The following SPHKAP variants were observed in gnomAD, a reference collection of about 807,000 sequenced individuals.
The protein encoded by SPHKAP is SPHK1 interactor, AKAP domain containing.
A neutral mutation model predicts 137.5 loss-of-function variants in SPHKAP; 67 were observed. The observed-to-expected ratio is 0.49, with a 90% confidence interval of 0.40 to 0.60. SPHKAP has a LOEUF of 0.60. Ranked by LOEUF, SPHKAP falls within the 20% of genes least tolerant of loss-of-function variation. The probability of loss-of-function intolerance (pLI) is 0.00; values close to 1 mark genes in which losing one functional copy is unlikely to be tolerated. For synonymous variants in SPHKAP, 813 were observed against 785.3 expected (o/e 1.04, Z -0.59); for missense variants, 2,097 against 2,069.3 (o/e 1.01, Z -0.26).
intron 3 of SPHKAP, among the ~76,000 whole-genome samples, chr2:228,082,591 TA>T (rs1697398169): frequency 6.6e-6 from 1 of 152,132 alleles, no homozygotes; most frequent in South Asian, 2.1e-4. Flanking sequence ...TGTCTTTGTA[TA>T]AAAAGGAACA....
At chr2:228,082,274 C>G (rs760703821) in intron 3 of SPHKAP, among the ~76,000 whole-genome samples, 9 of 152,136 alleles carry the variant, frequency 5.9e-5, no homozygotes, top group Non-Finnish European at 1.5e-5. Flanking sequence ...ACTGGAAGAC[C>G]TGAGTTCAGG....
intron 3 of SPHKAP, among the ~76,000 whole-genome samples, chr2:228,033,773 A>G (rs1695455670): frequency 6.6e-6 from 1 of 152,238 alleles, no homozygotes; most frequent in South Asian, 2.1e-4. Flanking sequence ...CTGCTCCTGA[A>G]TGACTACTGG....
intron 2 of SPHKAP, among the ~76,000 whole-genome samples, chr2:228,130,854 A>G (rs1699227869): frequency 6.6e-6 from 1 of 152,160 alleles, no homozygotes; most frequent in Non-Finnish European, 1.5e-5. Flanking sequence ...AATTTATAAG[A>G]GGAGAAAGAA....
intron 1 of SPHKAP, among the ~76,000 whole-genome samples, chr2:228,162,229 G>T (rs1161108778): frequency 6.6e-6 from 1 of 152,158 alleles, no homozygotes; most frequent in Non-Finnish European, 1.5e-5. Context: ...GGAGAAACAG[G>T]TTGATCTCCA....
At chr2:228,001,841 T>C (rs1693919034) in intron 7 of SPHKAP, among the ~76,000 whole-genome samples, 1 of 152,096 alleles carries the variant, frequency 6.6e-6, no homozygotes, top group East Asian at 1.9e-4. Context: ...TTCCTTGCAA[T>C]AGTTTGCTGA....
intron 3 of SPHKAP, among the ~76,000 whole-genome samples, chr2:228,104,063 T>A: frequency 6.6e-6 from 1 of 151,918 alleles, no homozygotes; most frequent in East Asian, 1.9e-4. Flanking sequence ...AATTTTTCAG[T>A]AAGTCTAAAA....
chr2:228,097,199 A>G (rs1160688500), intron 3 of SPHKAP, among the ~76,000 whole-genome samples: 2 of 152,164 alleles, frequency 1.3e-5, no homozygotes, highest in Non-Finnish European at 2.9e-5. Context: ...AATTGCTATA[A>G]TCACAGGAAT....
rs75894347 is a variant in SPHKAP at position 227,987,527 on chromosome 2, C to T, written c.4959+3473G>A. On this transcript the variant is annotated intron_variant, in intron 11 of 11. Coordinates refer to ENST00000392056, the MANE Select transcript of SPHKAP (RefSeq NM_001142644.2). ...AGACCTGATGAATGTTCTGAATGTACGATTTTCAGGTGCATTTAGCTTTTT... is the reference window on the plus strand; with the variant it reads ...AGACCTGATGAATGTTCTGAATGTATGATTTTCAGGTGCATTTAGCTTTTT... Among the ~76,000 whole-genome samples the T allele has an allele frequency of 4.0e-3, 610 of 152,160 alleles. 4 individuals are homozygous for T. Among genetic ancestry groups the T allele is most frequent in the African/African-American group, 0.014 (564 of 41,506 alleles).
intron 3 of SPHKAP, among the ~76,000 whole-genome samples, chr2:228,040,184 C>T (rs1360606306): frequency 2.0e-5 from 3 of 152,032 alleles, no homozygotes; most frequent in East Asian, 3.9e-4. Context: ...TAGAAGAAAA[C>T]CAATTCCTTC....
In SPHKAP at chr2:228,104,240, T is replaced by C. The variant is rs557268453; in HGVS notation, c.246+4592A>G. The stretch of plus-strand genomic sequence containing the variant: ...GATTAAATATTATATGTTATATCAT[T>C]ATATTATATATTATATATATCATTA... On this transcript the variant is annotated intron_variant, in intron 3 of 11. Coordinates refer to ENST00000392056, the MANE Select transcript of SPHKAP (RefSeq NM_001142644.2). 2.8e-3 allele frequency among the ~76,000 whole-genome samples: 382 copies of C among 134,422 alleles called. 2 individuals carry two copies. Among genetic ancestry groups the C allele is most frequent in the African/African-American group, 8.9e-3 (326 of 36,788 alleles). 88.2% of individuals were successfully genotyped at this position (134,422 alleles called of 152,430 possible). A position where few individuals can be genotyped will look rare whatever the true frequency, so the allele number is the denominator to read the frequency against.
rs1408871176 is a variant in SPHKAP at position 228,017,971 on chromosome 2, T to C, written c.2883A>G (p.Ala961=). The change falls in exon 7 of 12, where the codon GCA becomes GCG. Residue 961 remains alanine, a synonymous_variant. Coordinates refer to ENST00000392056, the MANE Select transcript of SPHKAP (RefSeq NM_001142644.2). Reference sequence around the variant, plus strand: ...TCAGAAACTCACTCCCTCTTTTCCATGCACAAAACCAGGGTTGTTTTCCAC... The same window carrying C: ...TCAGAAACTCACTCCCTCTTTTCCACGCACAAAACCAGGGTTGTTTTCCAC... The part of the protein sequence containing the change: ...NSSGKQPWFC[A]WKRGSEFLMT... The C allele has an allele frequency of 6.2e-7, 1 of 1,614,052 alleles. No individual in the cohort carries two copies. The highest frequency in any genetic ancestry group is 2.2e-5 in the East Asian group (1 of 44,868).
chr2:227,999,802 C>T (rs542048088), intron 7 of SPHKAP, among the ~76,000 whole-genome samples: 2 of 152,274 alleles, frequency 1.3e-5, no homozygotes, highest in African/African-American at 4.8e-5. Context: ...GAATAATGCA[C>T]AGAGGTGTTG....
chr2:228,008,129 C>A (rs1490338976), intron 7 of SPHKAP, among the ~76,000 whole-genome samples: 1 of 151,970 alleles, frequency 6.6e-6, no homozygotes, highest in Non-Finnish European at 1.5e-5. Flanking sequence ...TGGCTTATCT[C>A]TTCTCATTCT....
intron 3 of SPHKAP, among the ~76,000 whole-genome samples, chr2:228,104,143 T>A (rs1438364329): frequency 1.3e-5 from 2 of 149,848 alleles, no homozygotes; most frequent in Non-Finnish European, 3.0e-5. Context: ...GAAAACTTCA[T>A]AACTATCTGC....
chr2:228,038,058 A>G (rs1227413037), intron 3 of SPHKAP, among the ~76,000 whole-genome samples: 3 of 152,208 alleles, frequency 2.0e-5, no homozygotes, highest in East Asian at 1.9e-4. Context: ...AGGAGACTGA[A>G]CGTTTGATGA....
At chr2:228,151,553 T>G (rs1028878365) in intron 1 of SPHKAP, among the ~76,000 whole-genome samples, 2 of 152,102 alleles carry the variant, frequency 1.3e-5, no homozygotes, top group African/African-American at 4.8e-5. Flanking sequence ...CCGTTAACAT[T>G]GTAAAAGTGT....
chr2:228,046,930 T>A (rs1696083685), intron 3 of SPHKAP, among the ~76,000 whole-genome samples: 1 of 152,162 alleles, frequency 6.6e-6, no homozygotes, highest in Admixed American at 6.5e-5. Context: ...TTCCACATGT[T>A]AACTTCTAGT....
intron 7 of SPHKAP, among the ~76,000 whole-genome samples, chr2:228,014,853 T>C (rs1427940021): frequency 6.6e-6 from 1 of 152,196 alleles, no homozygotes; most frequent in Admixed American, 6.5e-5. Flanking sequence ...AAAAGACTTC[T>C]CCAACTTAGG....
intron 3 of SPHKAP, among the ~76,000 whole-genome samples, chr2:228,088,537 T>C (rs1030563756): frequency 1.3e-5 from 2 of 152,146 alleles, no homozygotes; most frequent in Non-Finnish European, 2.9e-5. Flanking sequence ...ACGAGACATA[T>C]AAAAATCAAG....
Sources: allele counts gnomAD v4.1 joint callset (sites outside exome capture counted in the v4.1 genomes callset), GRCh38; gene constraint gnomAD v4.1.1; transcripts MANE v1.5; gene names NCBI Gene and HGNC (gene_info 2026-07-23, HGNC 2026-07-21).